PRTFDC1: variants seen among roughly 807,000 people sequenced by gnomAD.
The protein encoded by PRTFDC1 is phosphoribosyl transferase domain containing 1, also known as phosphoribosyltransferase domain-containing protein 1.
PRTFDC1 carries 38 observed loss-of-function variants against 34.6 expected under a neutral mutation model. The ratio of observed to expected loss-of-function variants is 1.10; its 90% confidence interval spans 0.85 to 1.44. The LOEUF (loss-of-function observed/expected upper bound fraction) is 1.44, where lower values mean the gene tolerates loss of function less well. PRTFDC1 is among the 40% of genes most tolerant of loss of function. The pLI is 0.00. For synonymous variants in PRTFDC1, 93 were observed against 98.1 expected (o/e 0.95, Z 0.31); for missense variants, 270 against 283.0 (o/e 0.95, Z 0.33).
chr10:24,909,923 G>T (rs1413385018), intron 3 of PRTFDC1, among the ~76,000 whole-genome samples: 1 of 151,986 alleles, frequency 6.6e-6, no homozygotes, highest in Non-Finnish European at 1.5e-5. Context: ...GGCCAAGGCG[G>T]GTGGATCGCT....
intron 4 of PRTFDC1, among the ~76,000 whole-genome samples, chr10:24,869,833 G>A (rs985114441): frequency 3.9e-5 from 6 of 152,140 alleles, no homozygotes; most frequent in African/African-American, 1.4e-4. Flanking sequence ...GTGTCCTTGG[G>A]TGTGACCATG....
intron 3 of PRTFDC1, among the ~76,000 whole-genome samples, chr10:24,883,493 G>A (rs1386757434): frequency 3.3e-5 from 5 of 152,138 alleles, no homozygotes; most frequent in Non-Finnish European, 5.9e-5. Flanking sequence ...AAAAGGGGAG[G>A]GGAGAAGGGA....
chr10:24,884,354 G>A (rs971118518), intron 3 of PRTFDC1, among the ~76,000 whole-genome samples: 1 of 152,112 alleles, frequency 6.6e-6, no homozygotes, highest in Non-Finnish European at 1.5e-5. Context: ...GAAACTTCTA[G>A]AATACTCACC....
chr10:24,944,473 G>A (rs763920329), intron 1 of PRTFDC1, among the ~76,000 whole-genome samples: 15 of 152,078 alleles, frequency 9.9e-5, no homozygotes, highest in Non-Finnish European at 1.8e-4. Flanking sequence ...ACATGGAAGC[G>A]GGCATGCTCC....
chr10:24,939,671 A>G (rs112795047), intron 2 of PRTFDC1, among the ~76,000 whole-genome samples: 105 of 151,234 alleles, frequency 6.9e-4, no homozygotes, highest in African/African-American at 2.5e-3. Flanking sequence ...GTGCATGCTT[A>G]TAATCCCAGC....
chr10:24,852,174 G>T (rs1038799555), intron 7 of PRTFDC1, among the ~76,000 whole-genome samples: 6 of 151,796 alleles, frequency 4.0e-5, no homozygotes, highest in Non-Finnish European at 8.8e-5. Flanking sequence ...ATGATTTTTT[G>T]TCAGAAAGGA....
At position 24,922,082 on chromosome 10, in the gene PRTFDC1, G is replaced by C. The variant is rs146469440; in HGVS notation, c.339+15102C>G. The stretch of plus-strand genomic sequence containing the variant: ...CCCACCAAATCCAAATTATTTCCTG[G>C]TAACTTTCCTAGACTTTAAAGTTCA... On this transcript the variant is annotated intron_variant, in intron 3 of 8. Transcript: ENST00000320152. Among the ~76,000 whole-genome samples, 14 of 151,974 alleles carry C rather than the reference G, an allele frequency of 9.2e-5. No homozygotes were observed. In the East Asian group the frequency reaches 2.5e-3, roughly 27 times the overall value.
chr10:24,864,704 T>G (rs1365967171), intron 4 of PRTFDC1, among the ~76,000 whole-genome samples: 1 of 152,256 alleles, frequency 6.6e-6, no homozygotes, highest in African/African-American at 2.4e-5. Flanking sequence ...AAAATTTGTG[T>G]GGCTCTCTTT....
At chr10:24,857,061 G>A in intron 5 of PRTFDC1, 66 bp from the exon 6 acceptor site, 15 of 1,296,750 alleles carry the variant, frequency 1.2e-5, no homozygotes, top group Non-Finnish European at 1.7e-5. Context: ...TTTTCACCCA[G>A]GGAGATACTC....
At chr10:24,922,826 C>T (rs751389447) in intron 3 of PRTFDC1, among the ~76,000 whole-genome samples, 3 of 152,100 alleles carry the variant, frequency 2.0e-5, no homozygotes, top group African/African-American at 4.8e-5. Flanking sequence ...GGGGGCAAGC[C>T]GAAGTGGGGT....
At chr10:24,948,369 A>C (rs1849285937) in intron 1 of PRTFDC1, among the ~76,000 whole-genome samples, 1 of 152,226 alleles carries the variant, frequency 6.6e-6, no homozygotes. Context: ...CTCCCTGAGA[A>C]GTAACAAAGA....
chr10:24,936,251 T>C (rs1469458792), intron 3 of PRTFDC1, among the ~76,000 whole-genome samples: 1 of 152,066 alleles, frequency 6.6e-6, no homozygotes, highest in Non-Finnish European at 1.5e-5. Flanking sequence ...GAAGTTAACA[T>C]CATAGAGGGA....
At chr10:24,933,018 CT>C (rs1848993423) in intron 3 of PRTFDC1, among the ~76,000 whole-genome samples, 1 of 152,018 alleles carries the variant, frequency 6.6e-6, no homozygotes, top group East Asian at 1.9e-4. Context: ...AAAGGATCAT[CT>C]TTTTGGCAAA....
chr10:24,878,043 G>A (rs1355086112), intron 3 of PRTFDC1, among the ~76,000 whole-genome samples: 1 of 152,076 alleles, frequency 6.6e-6, no homozygotes, highest in Non-Finnish European at 1.5e-5. Context: ...CACTTTGGGA[G>A]GCCGAGGCAG....
intron 8 of PRTFDC1, among the ~76,000 whole-genome samples, chr10:24,850,961 G>A (rs912813989): frequency 2.6e-5 from 4 of 152,276 alleles, no homozygotes; most frequent in East Asian, 1.9e-4. Context: ...GGGGGTCCAC[G>A]TCTGTGTGGT....
chr10:24,852,088 G>A (rs1041431339), intron 7 of PRTFDC1, among the ~76,000 whole-genome samples: 4 of 152,088 alleles, frequency 2.6e-5, no homozygotes, highest in Non-Finnish European at 5.9e-5. Flanking sequence ...CCTACTGAGG[G>A]CAGAATGAGA....
At chr10:24,951,292 T>A (rs1849339522) in intron 1 of PRTFDC1, among the ~76,000 whole-genome samples, 1 of 152,030 alleles carries the variant, frequency 6.6e-6, no homozygotes, top group Admixed American at 6.5e-5. Flanking sequence ...TATTTGAAAT[T>A]TTCTCTATTT....
At chr10:24,884,884 G>A (rs1848139094) in intron 3 of PRTFDC1, among the ~76,000 whole-genome samples, 1 of 152,190 alleles carries the variant, frequency 6.6e-6, no homozygotes, top group African/African-American at 2.4e-5. Flanking sequence ...GGAGGCATCT[G>A]AGTTGGAAAA....
chr10:24,879,592 C>T (rs2132522646), intron 3 of PRTFDC1, among the ~76,000 whole-genome samples: 1 of 152,182 alleles, frequency 6.6e-6, no homozygotes, highest in South Asian at 2.1e-4. Context: ...AGATGATCTG[C>T]CCGCCTCGGC....
Sources: gnomAD v4.1 joint callset for allele counts (sites outside exome capture counted in the v4.1 genomes callset) on GRCh38, gnomAD v4.1.1 for gene constraint, MANE v1.5 for transcripts, NCBI Gene and HGNC (gene_info 2026-07-23, HGNC 2026-07-21) for gene names.